VWA5A: variants seen among roughly 807,000 people sequenced by gnomAD.
VWA5A encodes the protein von Willebrand factor A domain-containing protein 5A.
In VWA5A, 77 loss-of-function variants were observed where a neutral mutation model predicts 84.6. The observed-to-expected ratio is 0.91, with a 90% CI of 0.76 to 1.10. The LOEUF (loss-of-function observed/expected upper bound fraction) is 1.10. VWA5A is among the 50% of genes least tolerant of loss of function. The pLI is 0.00. For missense variants in VWA5A, 973 were observed against 963.0 expected (o/e 1.01, Z -0.14); for synonymous variants, 334 against 350.1 (o/e 0.95, Z 0.51).
intron 11 of VWA5A, among the ~76,000 whole-genome samples, chr11:124,126,807 A>G (rs943722316): frequency 2.6e-5 from 4 of 151,990 alleles, no homozygotes; most frequent in Admixed American, 2.0e-4. Flanking sequence ...ACCCGGGTCT[A>G]CCAGTTGTCA....
intron 12 of VWA5A, among the ~76,000 whole-genome samples, chr11:124,135,524 T>TTC (rs1865163475): frequency 7.6e-6 from 1 of 131,282 alleles, no homozygotes; most frequent in African/African-American, 3.0e-5. Context: ...TGGTATTTCT[T>TTC]TTTTTTTTTT....
rs1161701355 is a variant in VWA5A, at chr11:124,124,217, C to G, written c.1165-20C>G. 3.1e-6 allele frequency: 5 copies of G among 1,608,706 alleles called. No individual in the cohort carries two copies. The Admixed American group carries it at 8.4e-5, about 27-fold the overall frequency. The stretch of plus-strand genomic sequence containing the variant: ...AAGAACTTGACAAAGACCTGATGAA[C>G]ATTTTCTTTCTTTGTATAGCTTTTT... On this transcript the variant is annotated intron_variant, in intron 10 of 18. Transcript: ENST00000456829.
chr11:124,124,161 A>G, intron 10 of VWA5A, 76 bp from the exon 11 acceptor site: 2 of 1,443,062 alleles, frequency 1.4e-6, no homozygotes, highest in Non-Finnish European at 1.9e-6. Flanking sequence ...AAATAGGTGG[A>G]TTTTTCAAGG....
At chr11:124,123,944 AGAT>A in intron 10 of VWA5A, 140 bp downstream of exon 10, 3 of 1,259,374 alleles carry the variant, frequency 2.4e-6, no homozygotes, top group Non-Finnish European at 3.2e-6. Context: ...GAAAAAAAAA[AGAT>A]GATGCATTTG....
At chr11:124,129,621 G>T (rs116003013) in intron 11 of VWA5A, among the ~76,000 whole-genome samples, 7,710 of 152,090 alleles carry the variant, frequency 0.051, 520 homozygotes, top group African/African-American at 0.15. Flanking sequence ...GGCTTCTTTT[G>T]GTTGGTAGAC....
rs1414476632 is a variant in VWA5A, at chr11:124,123,772, A to G, written c.1132A>G (p.Arg378Gly). 2 of 1,599,758 alleles carry G rather than the reference A, an allele frequency of 1.3e-6. No individual in the cohort carries two copies. Among genetic ancestry groups the G allele is most frequent in the East Asian group, 4.5e-5 (2 of 44,838 alleles). Residue 378 changes from arginine to glycine, a missense_variant, in exon 10 of 19, where the codon AGG becomes GGG. By Grantham distance (125) the Arg-to-Gly change is moderately radical (BLOSUM62 -2). Coordinates refer to ENST00000456829, the MANE Select transcript of VWA5A (RefSeq NM_001130142.2). ...CTTGGCACCACTCCAGAACATTTAC[A>G]GGGGACCCTCCATCCCAGGCCACCC... The part of the protein sequence containing the change: ...EILAPLQNIY[R>G]GPSIPGHPLQ...
intron 11 of VWA5A, among the ~76,000 whole-genome samples, chr11:124,134,123 A>G (rs901109568): frequency 1.3e-4 from 20 of 152,346 alleles, no homozygotes; most frequent in Admixed American, 4.6e-4. Flanking sequence ...TTGTGATATC[A>G]AGATGCTGTC....
Position 124,117,704 on chromosome 11 carries a change from C to T in VWA5A, c.75C>T (p.Asn25=). The change falls in exon 4 of 19, where the codon AAC becomes AAT. Residue 25 remains asparagine, a synonymous_variant. Coordinates refer to ENST00000456829, the MANE Select transcript of VWA5A (RefSeq NM_001130142.2). The stretch of plus-strand genomic sequence containing the variant: ...TGAAGAGTATCTCTGTGAGCGTGAA[C>T]ATTTACGAGTTTGTGGCTGGTGTGT... The part of the protein sequence containing the change: ...VPLKSISVSV[N]IYEFVAGVSA... The T allele has an allele frequency of 6.2e-7, 1 of 1,614,182 alleles. No homozygotes were observed. The highest frequency in any genetic ancestry group is 8.5e-7 in the Non-Finnish European group (1 of 1,180,046).
At chr11:124,137,472 T>C (rs1395386457) in intron 15 of VWA5A, among the ~76,000 whole-genome samples, 1 of 152,144 alleles carries the variant, frequency 6.6e-6, no homozygotes. Context: ...TTTAAAATAA[T>C]CCAAGAGAAA....
intron 11 of VWA5A, among the ~76,000 whole-genome samples, chr11:124,132,194 A>T (rs995233347): frequency 1.3e-5 from 2 of 152,236 alleles, no homozygotes; most frequent in Middle Eastern, 3.4e-3. Context: ...GAATAAACCC[A>T]AAGTAGTTGT....
At chr11:124,123,262 G>A in intron 8 of VWA5A, 104 bp from the exon 9 acceptor site, 1 of 1,516,608 alleles carries the variant, frequency 6.6e-7, no homozygotes. Context: ...ATGTAAGAAG[G>A]CACAAGGTGG....
chr11:124,135,973 G>T (rs558300780), intron 12 of VWA5A, among the ~76,000 whole-genome samples, 156 bp from the exon 13 acceptor site: 73 of 152,240 alleles, frequency 4.8e-4, no homozygotes, highest in African/African-American at 1.7e-3. Context: ...CATATGCAAA[G>T]CTTCTTCATA....
intron 11 of VWA5A, chr11:124,124,774 G>C (rs900071394): frequency 6.4e-6 from 1 of 155,544 alleles, no homozygotes; most frequent in African/African-American, 2.4e-5. Context: ...AAACTTTCCT[G>C]ACTTACAATA....
chr11:124,121,785 T>C (rs1010015416), intron 7 of VWA5A, among the ~76,000 whole-genome samples: 2 of 152,200 alleles, frequency 1.3e-5, no homozygotes, highest in African/African-American at 4.8e-5. Flanking sequence ...TTACAATTCA[T>C]CTGGCATTGT....
At chr11:124,119,136 T>C (rs1339601345) in intron 7 of VWA5A, 47 bp downstream of exon 7, 3 of 1,514,124 alleles carry the variant, frequency 2.0e-6, no homozygotes, top group Non-Finnish European at 2.7e-6. Context: ...GGCAACTCCC[T>C]GTCTTGGAAT....
In VWA5A at chr11:124,147,557, G is replaced by A. The variant is rs1042807887; in HGVS notation, c.*1612G>A. 5.9e-5 allele frequency: 9 copies of A among 152,118 alleles called. No homozygotes were observed. Among genetic ancestry groups the A allele is most frequent in the Non-Finnish European group, 7.3e-5 (5 of 68,028 alleles). The allele number at this position is 152,118 out of a possible 1,614,324, so 9.4% of individuals were successfully genotyped here. ...TTTGTTTATGCTGAATGTGATCTGC[G>A]GAACAGGGTTGTTAGAAATGCAGCT... On this transcript the variant is annotated 3_prime_UTR_variant, in exon 19 of 19. Transcript: ENST00000456829.
At chr11:124,136,492 G>A (rs1860587159) in intron 13 of VWA5A, 82 bp from the exon 14 acceptor site, 18 of 1,467,798 alleles carry the variant, frequency 1.2e-5, no homozygotes, top group Non-Finnish European at 1.7e-5. Context: ...CATTGTTTTG[G>A]GTACCTGCCC....
At chr11:124,135,385 A>G (rs1006392970) in intron 12 of VWA5A, among the ~76,000 whole-genome samples, 12 of 152,204 alleles carry the variant, frequency 7.9e-5, no homozygotes, top group African/African-American at 2.4e-4. Flanking sequence ...CTTTTGTACT[A>G]CATGCATCCT....
intron 11 of VWA5A, among the ~76,000 whole-genome samples, chr11:124,129,641 C>T (rs1865068689): frequency 6.6e-6 from 1 of 152,148 alleles, no homozygotes; most frequent in Non-Finnish European, 1.5e-5. Context: ...CTATTAATTA[C>T]TGCCTCAATT....
Sources: allele counts gnomAD v4.1 joint callset (sites outside exome capture counted in the v4.1 genomes callset), GRCh38; gene constraint gnomAD v4.1.1; transcripts MANE v1.5; gene names NCBI Gene and HGNC (gene_info 2026-07-23, HGNC 2026-07-21).